The following TTC39C variants were observed in gnomAD, a reference collection of about 807,000 sequenced individuals.
TTC39C encodes tetratricopeptide repeat protein 39C.
TTC39C carries 33 observed loss-of-function variants against 76.3 expected under a neutral mutation model. That is an observed-to-expected ratio of 0.43 (90% CI 0.33 to 0.58). The LOEUF is 0.58. Among genes scored for constraint, TTC39C ranks in the 20% least tolerant of loss-of-function variants. The pLI is 0.04. For synonymous variants in TTC39C, 254 were observed against 260.6 expected (o/e 0.97, Z 0.24); for missense variants, 595 against 701.4 (o/e 0.85, Z 1.71).
chr18:24,061,344 C>T (rs886131216), intron 1 of TTC39C, among the ~76,000 whole-genome samples: 6 of 151,734 alleles, frequency 4.0e-5, no homozygotes, highest in African/African-American at 1.5e-4. Flanking sequence ...TTATACTCAG[C>T]CTTCACATAG....
intron 7 of TTC39C, among the ~76,000 whole-genome samples, chr18:24,116,324 C>T (rs2084891068): frequency 6.6e-6 from 1 of 152,210 alleles, no homozygotes; most frequent in Non-Finnish European, 1.5e-5. Context: ...GGGCAGATCG[C>T]CTAAAGCCAG....
At chr18:24,042,172 T>C (rs1333841496) in intron 1 of TTC39C, among the ~76,000 whole-genome samples, 1 of 152,240 alleles carries the variant, frequency 6.6e-6, no homozygotes, top group Non-Finnish European at 1.5e-5. Context: ...AAATATATGA[T>C]ATACTTAGGC....
intron 6 of TTC39C, chr18:24,099,440 TC>T (rs2084649601): frequency 6.6e-6 from 1 of 151,914 alleles, no homozygotes; most frequent in Non-Finnish European, 1.5e-5. Context: ...CTAATACAGT[TC>T]CAGTGAGGGT....
chr18:24,118,471 C>T (rs1229428793), intron 8 of TTC39C, among the ~76,000 whole-genome samples: 1 of 152,186 alleles, frequency 6.6e-6, no homozygotes, highest in Non-Finnish European at 1.5e-5. Context: ...CACGCTTCCC[C>T]TCTGGGCCTG....
At chr18:24,015,129 C>T (rs956964179) in intron 1 of TTC39C, 91 bp downstream of exon 1, 5 of 1,227,880 alleles carry the variant, frequency 4.1e-6, no homozygotes, top group South Asian at 2.0e-5. Flanking sequence ...GGAGCCCCCT[C>T]CCCCTCCTGT....
chr18:24,005,987 T>C (rs1427256459), intron 1 of TTC39C, among the ~76,000 whole-genome samples: 1 of 151,444 alleles, frequency 6.6e-6, no homozygotes, highest in Non-Finnish European at 1.5e-5. Context: ...GTGCCTTCCT[T>C]AGGGTAAGTG....
intron 1 of TTC39C, among the ~76,000 whole-genome samples, chr18:24,006,725 A>G (rs2083355966): frequency 2.0e-5 from 3 of 152,240 alleles, no homozygotes; most frequent in Admixed American, 2.0e-4. Flanking sequence ...TTATCAATGC[A>G]TAAGATATAA....
intron 4 of TTC39C, among the ~76,000 whole-genome samples, chr18:24,070,832 G>C (rs894389403): frequency 2.6e-5 from 4 of 152,138 alleles, no homozygotes; most frequent in Admixed American, 2.0e-4. Flanking sequence ...GACAGAGTGA[G>C]ACTTAAAAAG....
intron 1 of TTC39C, among the ~76,000 whole-genome samples, chr18:24,021,879 C>T (rs1277003491): frequency 6.6e-6 from 1 of 152,182 alleles, no homozygotes; most frequent in Non-Finnish European, 1.5e-5. Flanking sequence ...TTTAAAAAGT[C>T]TGTGTTCACA....
intron 4 of TTC39C, among the ~76,000 whole-genome samples, chr18:24,071,808 C>A (rs1027209262): frequency 1.3e-5 from 2 of 152,166 alleles, no homozygotes; most frequent in African/African-American, 4.8e-5. Context: ...TTTGCCTATT[C>A]TTCTAATAGT....
intron 9 of TTC39C, among the ~76,000 whole-genome samples, chr18:24,124,630 A>T (rs2085023444): frequency 6.6e-6 from 1 of 152,154 alleles, no homozygotes; most frequent in African/African-American, 2.4e-5. Flanking sequence ...CAGTTATTTT[A>T]GTTTTATATG....
At chr18:24,075,339 G>A (rs1003657254) in intron 4 of TTC39C, among the ~76,000 whole-genome samples, 2 of 151,872 alleles carry the variant, frequency 1.3e-5, no homozygotes, top group African/African-American at 4.8e-5. Context: ...TGAAGATAAC[G>A]AGGCAGTGGG....
intron 1 of TTC39C, chr18:24,020,246 C>T (rs1178833311): frequency 2.9e-6 from 3 of 1,040,944 alleles, no homozygotes; most frequent in African/African-American, 3.4e-5. Context: ...CCAACTATTA[C>T]ACTGTCTGAA....
chr18:24,052,429 A>T (rs1205935813), intron 1 of TTC39C, among the ~76,000 whole-genome samples: 1 of 152,122 alleles, frequency 6.6e-6, no homozygotes, highest in African/African-American at 2.4e-5. Flanking sequence ...ATTCATTAGA[A>T]TTTTTCCTAA....
In TTC39C at chr18:23,993,287, T is replaced by C. The variant is rs546648459; in HGVS notation, c.-17+249T>C. Among the ~76,000 whole-genome samples the C allele has an allele frequency of 1.7e-4, 26 of 152,366 alleles. No homozygotes were observed. In the East Asian group the frequency reaches 1.7e-3, roughly 10 times the overall value. Reference sequence around the variant, plus strand: ...TCTCAGTGCCATTCTTTAAAATCTCTGCTATTTTTCAACAAATGCCAGATG... The same window carrying C: ...TCTCAGTGCCATTCTTTAAAATCTCCGCTATTTTTCAACAAATGCCAGATG... On this transcript the variant is annotated intron_variant, in intron 1 of 13. Transcript: ENST00000304621.
intron 8 of TTC39C, among the ~76,000 whole-genome samples, chr18:24,122,511 A>AAAAAAAAAAT: frequency 6.6e-6 from 1 of 150,530 alleles, no homozygotes; most frequent in African/African-American, 2.4e-5. Context: ...AAAAAAAAAA[A>AAAAAAAAAAT]AAAAAAAAAG....
chr18:24,001,384 C>T (rs1486305443), intron 1 of TTC39C, among the ~76,000 whole-genome samples: 2 of 152,196 alleles, frequency 1.3e-5, no homozygotes, highest in Non-Finnish European at 2.9e-5. Flanking sequence ...TTAACCTCTT[C>T]CTTGATTCTA....
chr18:24,127,891 C>G (rs547755716), intron 10 of TTC39C, among the ~76,000 whole-genome samples: 1 of 152,336 alleles, frequency 6.6e-6, no homozygotes, highest in Admixed American at 6.5e-5. Context: ...TTGTGTCACT[C>G]TGCTTCCCAG....
chr18:24,030,648 CTTTT>C (rs1167104790), intron 1 of TTC39C, among the ~76,000 whole-genome samples: 68 of 89,040 alleles, frequency 7.6e-4, no homozygotes, highest in African/African-American at 2.8e-3. Flanking sequence ...AAAGATAGGC[CTTTT>C]TTTTTTTTTT....
Sources: gnomAD v4.1 joint callset for allele counts (sites outside exome capture counted in the v4.1 genomes callset) on GRCh38, gnomAD v4.1.1 for gene constraint, MANE v1.5 for transcripts, NCBI Gene and HGNC (gene_info 2026-07-23, HGNC 2026-07-21) for gene names.